Variants in TASP1 observed in about 807,000 individuals in gnomAD.
TASP1 encodes taspase 1.
TASP1 carries 16 observed loss-of-function variants against 56.6 expected under a neutral mutation model. The observed-to-expected ratio is 0.28, with a 90% CI of 0.19 to 0.43. The LOEUF (loss-of-function observed/expected upper bound fraction) is 0.43, where lower values mean the gene tolerates loss of function less well. Ranked by LOEUF, TASP1 falls within the 20% of genes least tolerant of loss-of-function variation. TASP1 has a pLI of 1.00. For missense variants in TASP1, 393 were observed against 511.6 expected (o/e 0.77, Z 2.24); for synonymous variants, 179 against 184.2 (o/e 0.97, Z 0.23).
the TASP1 span, among the ~76,000 whole-genome samples, chr20:13,274,260 G>A: frequency 6.6e-6 from 1 of 152,108 alleles, no homozygotes; most frequent in South Asian, 2.1e-4. Flanking sequence ...TCAGAGCACT[G>A]TTCTTTTGTT....
the TASP1 span, among the ~76,000 whole-genome samples, chr20:13,170,324 T>C: frequency 6.6e-6 from 1 of 152,196 alleles, no homozygotes; most frequent in Non-Finnish European, 1.5e-5. Context: ...AAAAAGTTAT[T>C]TTAGCTAAAC....
chr20:13,384,794 A>ATC (rs373875190), downstream of TASP1, among the ~76,000 whole-genome samples: 135 of 152,288 alleles, frequency 8.9e-4, no homozygotes, highest in Non-Finnish European at 1.3e-3. Flanking sequence ...AAACAACTTA[A>ATC]TCATACACAT....
At chr20:13,404,445 A>G (rs1476311970) in intron 13 of TASP1, among the ~76,000 whole-genome samples, 2 of 152,116 alleles carry the variant, frequency 1.3e-5, no homozygotes, top group African/African-American at 2.4e-5. Context: ...TCATCTCTAC[A>G]AAACATTTAA....
intron 8 of TASP1, among the ~76,000 whole-genome samples, chr20:13,549,141 T>C (rs921806465): frequency 1.3e-5 from 2 of 152,128 alleles, no homozygotes; most frequent in Admixed American, 1.3e-4. Flanking sequence ...TTGCCCAAAG[T>C]CTCTGGACTG....
chr20:13,362,300 A>C, the TASP1 span, among the ~76,000 whole-genome samples: 5 of 152,038 alleles, frequency 3.3e-5, no homozygotes, highest in Non-Finnish European at 7.3e-5. Context: ...GTATATGCCC[A>C]GATGGCCTGA....
At chr20:13,438,306 G>C (rs1266273327) in intron 11 of TASP1, among the ~76,000 whole-genome samples, 8 of 152,092 alleles carry the variant, frequency 5.3e-5, no homozygotes, top group Non-Finnish European at 1.0e-4. Flanking sequence ...CCAAAACAGA[G>C]ATATAGACCA....
the TASP1 span, among the ~76,000 whole-genome samples, chr20:13,118,405 G>A: frequency 3.5e-5 from 5 of 141,168 alleles, no homozygotes; most frequent in African/African-American, 1.3e-4. Flanking sequence ...TTAAGTGAGT[G>A]TTGGCCCTGT....
intron 10 of TASP1, among the ~76,000 whole-genome samples, chr20:13,502,798 T>C (rs1167661284): frequency 6.6e-6 from 1 of 152,016 alleles, no homozygotes; most frequent in Non-Finnish European, 1.5e-5. Flanking sequence ...CAAAGGAAAA[T>C]ACATCTGTGG....
chr20:13,270,635 G>A, the TASP1 span: 109 of 1,613,812 alleles, frequency 6.8e-5, no homozygotes, highest in Admixed American at 1.6e-3. Context: ...GACAAGAGAC[G>A]GGGCACCCTT....
the TASP1 span, among the ~76,000 whole-genome samples, chr20:13,220,235 G>C: frequency 9.7e-3 from 1,475 of 152,346 alleles, 11 homozygotes; most frequent in Non-Finnish European, 0.013. Context: ...GCTACTCCGA[G>C]TCACTTCGGT....
At chr20:13,294,145 C>CTT in the TASP1 span, among the ~76,000 whole-genome samples, 1 of 152,116 alleles carries the variant, frequency 6.6e-6, no homozygotes, top group Non-Finnish European at 1.5e-5. Context: ...TTCTGGGTTT[C>CTT]TAAGAGAGGC....
At chr20:13,196,248 C>T in the TASP1 span, among the ~76,000 whole-genome samples, 1 of 152,070 alleles carries the variant, frequency 6.6e-6, no homozygotes, top group Non-Finnish European at 1.5e-5. Flanking sequence ...ACTGAACTGG[C>T]CATTTCATCT....
chr20:13,363,298 T>C, the TASP1 span, among the ~76,000 whole-genome samples: 1 of 152,204 alleles, frequency 6.6e-6, no homozygotes, highest in East Asian at 1.9e-4. Flanking sequence ...CATGCATACA[T>C]GATGAAGTCA....
chr20:13,250,904 T>C, the TASP1 span, among the ~76,000 whole-genome samples: 2 of 152,226 alleles, frequency 1.3e-5, no homozygotes, highest in African/African-American at 4.8e-5. Flanking sequence ...AGGTCTCCTT[T>C]GCCCCCATCT....
the TASP1 span, among the ~76,000 whole-genome samples, chr20:13,179,781 G>C: frequency 6.6e-6 from 1 of 152,170 alleles, no homozygotes; most frequent in Non-Finnish European, 1.5e-5. Flanking sequence ...ACCCCGGAGA[G>C]TCTGCTCCAT....
At chr20:13,417,650 G>C in intron 12 of TASP1, 129 bp from the exon 13 acceptor site, 1 of 895,718 alleles carries the variant, frequency 1.1e-6, no homozygotes, top group Non-Finnish European at 1.6e-6. Context: ...CCATTTGCTT[G>C]TTCATAAATG....
the TASP1 span, among the ~76,000 whole-genome samples, chr20:13,224,938 C>T: frequency 2.0e-5 from 3 of 150,544 alleles, no homozygotes; most frequent in Admixed American, 1.3e-4. Context: ...CTCCACTTCC[C>T]GGGTTCATGC....
At chr20:13,336,120 G>T in the TASP1 span, among the ~76,000 whole-genome samples, 1 of 152,066 alleles carries the variant, frequency 6.6e-6, no homozygotes, top group Non-Finnish European at 1.5e-5. Flanking sequence ...AATCCAAAAG[G>T]CTTCTCAATA....
chr20:13,459,808 T>C (rs1394203446), intron 11 of TASP1, among the ~76,000 whole-genome samples: 3 of 152,076 alleles, frequency 2.0e-5, no homozygotes, highest in East Asian at 1.9e-4. Context: ...CCAAGGTCAA[T>C]AGCTTCACCT....
Sources: allele counts gnomAD v4.1 joint callset (sites outside exome capture counted in the v4.1 genomes callset), GRCh38; gene constraint gnomAD v4.1.1; transcripts MANE v1.5; gene names NCBI Gene and HGNC (gene_info 2026-07-23, HGNC 2026-07-21).